Variants in CNTN3 observed in about 807,000 individuals in gnomAD.
CNTN3 encodes contactin 3, also known as contactin-3.
CNTN3 carries 60 observed loss-of-function variants against 119.1 expected under a neutral mutation model. The ratio of observed to expected loss-of-function variants is 0.50; its 90% confidence interval spans 0.41 to 0.62. The LOEUF is 0.62. Among genes scored for constraint, CNTN3 ranks in the 20% least tolerant of loss-of-function variants. The pLI is 0.00. For missense variants in CNTN3, 1,101 were observed against 1,242.4 expected, an observed-to-expected ratio of 0.89 and a Z score of 1.71; for synonymous variants, 450 against 438.7, an observed-to-expected ratio of 1.03 and a Z score of -0.32.
At chr3:74,361,272 C>T (rs972689913) in intron 11 of CNTN3, among the ~76,000 whole-genome samples, 2 of 152,086 alleles carry the variant, frequency 1.3e-5, no homozygotes, top group African/African-American at 4.8e-5. Context: ...TAGGTGTGAA[C>T]TATTATCACT....
chr3:74,570,637 G>A (rs532641666), intron 1 of CNTN3, among the ~76,000 whole-genome samples: 43 of 151,762 alleles, frequency 2.8e-4, no homozygotes, highest in African/African-American at 9.9e-4. Context: ...TTATGTTACA[G>A]TGTGGCCAAT....
At chr3:74,562,486 T>C (rs1321628163) in intron 1 of CNTN3, among the ~76,000 whole-genome samples, 1 of 152,206 alleles carries the variant, frequency 6.6e-6, no homozygotes, top group African/African-American at 2.4e-5. Context: ...AAAATGATTA[T>C]TGAAAATAAT....
chr3:74,439,705 A>C (rs1048892965), intron 4 of CNTN3, among the ~76,000 whole-genome samples: 1 of 152,180 alleles, frequency 6.6e-6, no homozygotes, highest in African/African-American at 2.4e-5. Context: ...GAAACAACAC[A>C]ACCAAATTAA....
chr3:74,605,426 T>G (rs1201419424), intron 1 of CNTN3, among the ~76,000 whole-genome samples: 1 of 152,112 alleles, frequency 6.6e-6, no homozygotes, highest in Non-Finnish European at 1.5e-5. Context: ...TTAAAAGTAA[T>G]TATATTAATT....
At chr3:74,542,928 G>A (rs1703861946) in intron 1 of CNTN3, among the ~76,000 whole-genome samples, 2 of 152,066 alleles carry the variant, frequency 1.3e-5, no homozygotes, top group African/African-American at 4.8e-5. Context: ...AGACCAGCAC[G>A]GTCAACATAC....
intron 3 of CNTN3, among the ~76,000 whole-genome samples, chr3:74,491,829 T>A (rs1478846128): frequency 2.0e-5 from 3 of 152,222 alleles, no homozygotes; most frequent in Non-Finnish European, 4.4e-5. Context: ...CCAGGAACTC[T>A]AAGTATCAGA....
chr3:74,352,637 G>A (rs966027623), intron 11 of CNTN3, among the ~76,000 whole-genome samples: 6 of 152,030 alleles, frequency 3.9e-5, no homozygotes, highest in Non-Finnish European at 8.8e-5. Context: ...TCCCAGAGCC[G>A]GACATAATAC....
chr3:74,342,341 C>A (rs1703569444), intron 11 of CNTN3, among the ~76,000 whole-genome samples: 1 of 152,102 alleles, frequency 6.6e-6, no homozygotes, highest in African/African-American at 2.4e-5. Flanking sequence ...CGTTTTTATT[C>A]TTCTACCTAT....
At chr3:74,327,857 A>ATATG (rs1703168705) in intron 13 of CNTN3, among the ~76,000 whole-genome samples, 1 of 151,766 alleles carries the variant, frequency 6.6e-6, no homozygotes, top group Non-Finnish European at 1.5e-5. Flanking sequence ...AATTTCATAC[A>ATATG]TATGACCTGA....
chr3:74,296,328 A>G (rs886147813), intron 18 of CNTN3, among the ~76,000 whole-genome samples: 5 of 152,188 alleles, frequency 3.3e-5, no homozygotes, highest in African/African-American at 1.2e-4. Flanking sequence ...GCCAGCACCT[A>G]GGTCCTGGAT....
intron 5 of CNTN3, among the ~76,000 whole-genome samples, chr3:74,396,962 G>C (rs948678751): frequency 6.6e-6 from 1 of 152,182 alleles, no homozygotes; most frequent in Non-Finnish European, 1.5e-5. Flanking sequence ...ACAGCAGACA[G>C]CAGACTTTCA....
At chr3:74,329,447 G>A (rs1448300232) in intron 13 of CNTN3, among the ~76,000 whole-genome samples, 1 of 152,138 alleles carries the variant, frequency 6.6e-6, no homozygotes, top group African/African-American at 2.4e-5. Context: ...GCACCACATA[G>A]GGTTTATCAA....
At chr3:74,350,798 T>C (rs1231748803) in intron 11 of CNTN3, among the ~76,000 whole-genome samples, 2 of 151,958 alleles carry the variant, frequency 1.3e-5, no homozygotes, top group Non-Finnish European at 2.9e-5. Context: ...GAGGTCATTA[T>C]TGTAATTAAA....
intron 2 of CNTN3, among the ~76,000 whole-genome samples, chr3:74,501,882 A>C (rs1010407844): frequency 3.9e-5 from 6 of 152,152 alleles, no homozygotes; most frequent in African/African-American, 1.4e-4. Context: ...CCTAATTTAA[A>C]AGAGGCAATA....
At chr3:74,544,042 TAG>T (rs550022961) in intron 1 of CNTN3, among the ~76,000 whole-genome samples, 58 of 152,314 alleles carry the variant, frequency 3.8e-4, no homozygotes, top group African/African-American at 1.3e-3. Flanking sequence ...GAGGAGTTTG[TAG>T]AGTCATTGAG....
chr3:74,437,151 C>T (rs899793722), intron 4 of CNTN3, among the ~76,000 whole-genome samples: 2 of 152,058 alleles, frequency 1.3e-5, no homozygotes, highest in African/African-American at 4.8e-5. Flanking sequence ...CTAAATCAAA[C>T]AAATAAAATT....
intron 3 of CNTN3, among the ~76,000 whole-genome samples, chr3:74,492,457 G>T (rs1365854454): frequency 6.6e-6 from 1 of 152,028 alleles, no homozygotes; most frequent in Non-Finnish European, 1.5e-5. Flanking sequence ...TGAGAGAACT[G>T]GACCAAGCCT....
intron 2 of CNTN3, among the ~76,000 whole-genome samples, chr3:74,503,630 T>C (rs1703203129): frequency 6.6e-6 from 1 of 152,124 alleles, no homozygotes; most frequent in African/African-American, 2.4e-5. Flanking sequence ...TGAATTTTGA[T>C]CCTCAAAAAG....
intron 4 of CNTN3, among the ~76,000 whole-genome samples, chr3:74,479,092 G>A (rs1216784346): frequency 6.6e-6 from 1 of 152,014 alleles, no homozygotes; most frequent in African/African-American, 2.4e-5. Context: ...GGGGGAGGGA[G>A]GAAGGGTTGA....
Sources: gnomAD v4.1 joint callset for allele counts (sites outside exome capture counted in the v4.1 genomes callset) on GRCh38, gnomAD v4.1.1 for gene constraint, MANE v1.5 for transcripts, NCBI Gene and HGNC (gene_info 2026-07-23, HGNC 2026-07-21) for gene names.